The following XPO7 variants were observed in gnomAD, a reference collection of about 807,000 sequenced individuals.
XPO7 encodes the protein exportin 7.
In XPO7, 21 loss-of-function variants were observed where a neutral mutation model predicts 144.3. That is an observed-to-expected ratio of 0.15 (90% CI 0.10 to 0.21). The LOEUF is 0.21. Ranked by LOEUF, XPO7 falls within the 10% of genes least tolerant of loss-of-function variation. The pLI, the probability that XPO7 is intolerant of heterozygous loss-of-function variation, is 1.00. For synonymous variants in XPO7, 580 were observed against 499.6 expected, an observed-to-expected ratio of 1.16 and a Z score of -2.15; for missense variants, 808 against 1,325.8, an observed-to-expected ratio of 0.61 and a Z score of 6.06.
chr8:21,985,646 C>G lies in XPO7; in HGVS notation c.1532C>G (p.Ala511Gly). Residue 511 changes from alanine to glycine, a missense_variant, in exon 13 of 28, where the codon GCC (alanine) becomes GGC (glycine). By Grantham distance (60) the Ala-to-Gly change is moderately conservative. Coordinates refer to ENST00000252512, the MANE Select transcript of XPO7 (RefSeq NM_015024.5). ...GTGATCGGTGGCCGGGTTTCTTTTG[C>G]CAGCACTGATGAGCAAGACGCCATG... is the stretch of plus-strand genomic sequence containing the variant. ...GAVIGGRVSF[A>G]STDEQDAMDG... The G allele has an allele frequency of 1.2e-6, 2 of 1,613,778 alleles. No individual in the cohort carries two copies. The highest frequency in any genetic ancestry group is 1.7e-6 in the Non-Finnish European group (2 of 1,179,878).
At chr8:21,990,682 C>A (rs1003032178) in intron 17 of XPO7, 129 bp from the exon 18 acceptor site, 8 of 904,842 alleles carry the variant, frequency 8.8e-6, no homozygotes, top group Middle Eastern at 3.1e-4. Flanking sequence ...AAAAAAAAAA[C>A]CTTCAGATCC....
chr8:21,985,505 T>A, intron 12 of XPO7, 81 bp from the exon 13 acceptor site: 1 of 1,298,758 alleles, frequency 7.7e-7, no homozygotes, highest in South Asian at 1.2e-5. Flanking sequence ...ACAGTGTTCT[T>A]AAGATTAAGG....
At position 22,006,581 on chromosome 8, in the gene XPO7, A is replaced by G. The variant is rs1433320422; in HGVS notation, c.*1493A>G. The G allele has an allele frequency of 6.6e-6, 1 of 152,190 alleles. No individual in the cohort carries two copies. The highest frequency in any genetic ancestry group is 1.5e-5 in the Non-Finnish European group (1 of 68,028). 9.4% of individuals were successfully genotyped at this position (152,190 alleles called of 1,614,324 possible). A position where few individuals can be genotyped will look rare whatever the true frequency, so the allele number is the denominator to read the frequency against. ...CCGCCAATAAACTTCAATGGTTTCT[A>G]CTGACCTGGCTTCAGCAATCATGTC... On this transcript the variant is annotated 3_prime_UTR_variant, in exon 28 of 28. Transcript: ENST00000252512.
intron 1 of XPO7, among the ~76,000 whole-genome samples, chr8:21,943,146 A>G (rs1811049728): frequency 6.6e-6 from 1 of 152,220 alleles, no homozygotes; most frequent in African/African-American, 2.4e-5. Flanking sequence ...CCCATGGACC[A>G]CATTTTGGGA....
At chr8:22,002,327 C>G (rs1813178342) in intron 25 of XPO7, 55 bp downstream of exon 25, 1 of 1,572,556 alleles carries the variant, frequency 6.4e-7, no homozygotes, top group African/African-American at 1.4e-5. Context: ...GAGGAAGGAC[C>G]TCTGCAAGAC....
At chr8:21,987,399 T>C (rs1238996238) in intron 14 of XPO7, 123 bp downstream of exon 14, 13 of 1,363,648 alleles carry the variant, frequency 9.5e-6, no homozygotes, top group Non-Finnish European at 1.3e-5. Flanking sequence ...ACAGTCCAAA[T>C]GTTTTCTCTT....
chr8:21,967,521 C>A (rs1045865791), intron 2 of XPO7, among the ~76,000 whole-genome samples: 1 of 151,944 alleles, frequency 6.6e-6, no homozygotes, highest in African/African-American at 2.4e-5. Context: ...TTAGTAGAGA[C>A]GGGGTTTCTC....
rs565041940 is a variant in XPO7 at position 21,944,455 on chromosome 8, T to C, written c.19-22402T>C. ...GGTGGTGCACATCTGTAATCCCAGC[T>C]ACTCGGGAGGCTGAGACTGGAGAAT... On this transcript the variant is annotated intron_variant, in intron 1 of 27. Transcript: ENST00000252512. 2.0e-5 allele frequency among the ~76,000 whole-genome samples: 3 copies of C among 152,092 alleles called. No individual in the cohort carries two copies. The East Asian group carries it at 5.8e-4, about 29-fold the overall frequency.
At chr8:21,962,793 A>G (rs1811766591) in intron 1 of XPO7, among the ~76,000 whole-genome samples, 1 of 152,376 alleles carries the variant, frequency 6.6e-6, no homozygotes, top group Admixed American at 6.5e-5. Context: ...TAACCTAACA[A>G]TAATTGTTGT....
intron 1 of XPO7, among the ~76,000 whole-genome samples, chr8:21,956,797 T>C (rs1047044894): frequency 2.0e-5 from 3 of 152,144 alleles, no homozygotes; most frequent in South Asian, 2.1e-4. Flanking sequence ...CTTAATTGTA[T>C]GTTTTCATCT....
At chr8:21,969,365 T>C in intron 2 of XPO7, 118 bp from the exon 3 acceptor site, 3 of 828,320 alleles carry the variant, frequency 3.6e-6, no homozygotes. Context: ...ATCCAGAGGA[T>C]CAAATCTGCC....
intron 3 of XPO7, chr8:21,969,921 G>A (rs1811997690): frequency 1.7e-6 from 1 of 575,472 alleles, no homozygotes; most frequent in Admixed American, 3.6e-5. Flanking sequence ...CAGCTATACT[G>A]CAAATTCTTC....
At chr8:21,948,709 C>A (rs755275604) in intron 1 of XPO7, among the ~76,000 whole-genome samples, 1 of 152,008 alleles carries the variant, frequency 6.6e-6, no homozygotes, top group Non-Finnish European at 1.5e-5. Context: ...TTTTATTCAT[C>A]CTTCACCAGA....
intron 1 of XPO7, among the ~76,000 whole-genome samples, chr8:21,939,345 C>T (rs1810919360): frequency 6.6e-6 from 1 of 152,040 alleles, no homozygotes; most frequent in African/African-American, 2.4e-5. Flanking sequence ...CCTCAGCCTC[C>T]CGAGTAGCCG....
At chr8:21,976,895 G>C (rs150969912) in intron 7 of XPO7, among the ~76,000 whole-genome samples, 424 of 152,340 alleles carry the variant, frequency 2.8e-3, no homozygotes, top group African/African-American at 9.4e-3. Flanking sequence ...CTGGGTTCAA[G>C]TGATTCTCCT....
intron 21 of XPO7, among the ~76,000 whole-genome samples, chr8:21,998,354 T>C (rs1813022639): frequency 6.6e-6 from 1 of 152,104 alleles, no homozygotes; most frequent in African/African-American, 2.4e-5. Context: ...AGCAGGAGAA[T>C]GGTGTGAACC....
intron 7 of XPO7, 122 bp downstream of exon 7, chr8:21,976,643 A>G: frequency 5.0e-6 from 6 of 1,204,104 alleles, no homozygotes; most frequent in Non-Finnish European, 6.7e-6. Context: ...AAAAAATTCT[A>G]ACGTCTTTTT....
chr8:21,974,114 T>C (rs980541675), intron 5 of XPO7, among the ~76,000 whole-genome samples: 3 of 152,206 alleles, frequency 2.0e-5, no homozygotes, highest in Non-Finnish European at 4.4e-5. Flanking sequence ...TGGAGTGCAG[T>C]GCAGCCACGA....
At chr8:21,985,716 C>T in intron 13 of XPO7, 25 bp downstream of exon 13, 1 of 1,603,620 alleles carries the variant, frequency 6.2e-7, no homozygotes, top group Non-Finnish European at 8.5e-7. Context: ...CAGAAGCTCT[C>T]CACTCTGCCT....
Sources: allele counts gnomAD v4.1 joint callset (sites outside exome capture counted in the v4.1 genomes callset), GRCh38; gene constraint gnomAD v4.1.1; transcripts MANE v1.5; gene names NCBI Gene and HGNC (gene_info 2026-07-23, HGNC 2026-07-21).